Variants in MATCAP2 observed in about 807,000 individuals in gnomAD.
MATCAP2 encodes putative tyrosine carboxypeptidase MATCAP2.
the MATCAP2 span, among the ~76,000 whole-genome samples, chr7:36,330,374 C>T: frequency 0.019 from 2,872 of 152,078 alleles, 50 homozygotes; most frequent in Non-Finnish European, 0.025. Flanking sequence ...GTTGGGTTTG[C>T]GGGCGTGAGC....
chr7:36,381,077 A>G, the MATCAP2 span, among the ~76,000 whole-genome samples: 5 of 152,196 alleles, frequency 3.3e-5, no homozygotes, highest in East Asian at 1.9e-4. Flanking sequence ...GGGTATAGCT[A>G]TAAAGCTCAA....
the MATCAP2 span, chr7:36,356,563 G>A: frequency 2.3e-6 from 1 of 440,862 alleles, no homozygotes; most frequent in Non-Finnish European, 4.0e-6. Flanking sequence ...CAAAAACGTA[G>A]TGTGGGCTAC....
chr7:36,356,492 G>A, the MATCAP2 span: 3 of 261,320 alleles, frequency 1.1e-5, no homozygotes, highest in African/African-American at 2.2e-5. Context: ...TCCAACCTGG[G>A]CAAAGAGCAA....
chr7:36,383,365 T>G, the MATCAP2 span, among the ~76,000 whole-genome samples: 601 of 152,286 alleles, frequency 3.9e-3, 3 homozygotes, highest in Middle Eastern at 0.014. Context: ...CATGCACACA[T>G]ATGTTTACTG....
chr7:36,327,968 G>C, the MATCAP2 span, among the ~76,000 whole-genome samples: 1 of 152,026 alleles, frequency 6.6e-6, no homozygotes, highest in Non-Finnish European at 1.5e-5. Context: ...TTGTAAAAAA[G>C]TTCACATCTT....
the MATCAP2 span, among the ~76,000 whole-genome samples, chr7:36,376,554 G>T: frequency 2.0e-5 from 3 of 152,212 alleles, no homozygotes; most frequent in Admixed American, 6.5e-5. Context: ...GTGCTGAGAA[G>T]AATGTATATT....
the MATCAP2 span, among the ~76,000 whole-genome samples, chr7:36,328,494 A>T: frequency 2.0e-5 from 3 of 152,096 alleles, no homozygotes; most frequent in Non-Finnish European, 4.4e-5. Context: ...CTGTAATCCC[A>T]GCACTTTGGG....
the MATCAP2 span, chr7:36,366,800 C>G: frequency 1.2e-4 from 184 of 1,533,012 alleles, no homozygotes; most frequent in East Asian, 2.9e-3. Context: ...GGTCGGGGCG[C>G]AGGGTGGAGT....
chr7:36,387,990 A>G, the MATCAP2 span, among the ~76,000 whole-genome samples: 2 of 152,220 alleles, frequency 1.3e-5, no homozygotes, highest in Non-Finnish European at 2.9e-5. Context: ...TCTGGGTTAA[A>G]TATTAATAAT....
At chr7:36,357,244 G>A in the MATCAP2 span, 1 of 1,614,122 alleles carries the variant, frequency 6.2e-7, no homozygotes, top group Non-Finnish European at 8.5e-7. Flanking sequence ...CTGAACTAGT[G>A]ACAAAAACAG....
chr7:36,373,103 TAAAA>T, the MATCAP2 span, among the ~76,000 whole-genome samples: 12 of 116,178 alleles, frequency 1.0e-4, no homozygotes, highest in Admixed American at 1.8e-4. Flanking sequence ...AGACTTCATC[TAAAA>T]AAAAAAAAAA....
the MATCAP2 span, among the ~76,000 whole-genome samples, chr7:36,331,516 G>A: frequency 6.6e-6 from 1 of 152,110 alleles, no homozygotes; most frequent in Admixed American, 6.6e-5. Flanking sequence ...GTGGAGAGAC[G>A]CAGGGTTTTA....
chr7:36,328,076 AT>A, the MATCAP2 span, among the ~76,000 whole-genome samples: 2 of 151,952 alleles, frequency 1.3e-5, no homozygotes, highest in African/African-American at 2.4e-5. Flanking sequence ...TTATTCTTAA[AT>A]TTTTTTTAAG....
chr7:36,371,902 A>G, the MATCAP2 span, among the ~76,000 whole-genome samples: 1 of 151,844 alleles, frequency 6.6e-6, no homozygotes, highest in African/African-American at 2.4e-5. Flanking sequence ...TTTTATAGAA[A>G]TGGGGTCTTG....
At chr7:36,366,894 G>A in the MATCAP2 span, 19 of 1,471,034 alleles carry the variant, frequency 1.3e-5, no homozygotes, top group Non-Finnish European at 1.7e-5. Context: ...CCCCGCCGCG[G>A]CCAGCCCTTC....
chr7:36,343,285 G>A, the MATCAP2 span, among the ~76,000 whole-genome samples: 11 of 142,422 alleles, frequency 7.7e-5, no homozygotes, highest in Middle Eastern at 3.5e-3. Flanking sequence ...GAGGCCAGGA[G>A]TTTGAGTTCA....
chr7:36,366,865 A>G, the MATCAP2 span: 2 of 1,492,698 alleles, frequency 1.3e-6, no homozygotes, highest in East Asian at 2.7e-5. Context: ...GGGCGGCGGG[A>G]CCCCGGTCCG....
the MATCAP2 span, chr7:36,336,100 A>C: frequency 1.2e-5 from 15 of 1,264,180 alleles, no homozygotes; most frequent in Non-Finnish European, 1.6e-5. Flanking sequence ...ATAAAATAAA[A>C]TAAACTATGA....
chr7:36,347,341 A>G, the MATCAP2 span, among the ~76,000 whole-genome samples: 3 of 152,154 alleles, frequency 2.0e-5, no homozygotes, highest in Non-Finnish European at 4.4e-5. Flanking sequence ...CAATCTGGAA[A>G]CCTGACCATC....
Sources: allele counts gnomAD v4.1 joint callset (sites outside exome capture counted in the v4.1 genomes callset), GRCh38; gene constraint gnomAD v4.1.1; transcripts MANE v1.5; gene names NCBI Gene and HGNC (gene_info 2026-07-23, HGNC 2026-07-21).